TBC1D5: variants seen among roughly 807,000 people sequenced by gnomAD.
TBC1D5 encodes TBC1 domain family, member 5.
A neutral mutation model predicts 100.3 loss-of-function variants in TBC1D5; 75 were observed. The ratio of observed to expected loss-of-function variants is 0.75; its 90% CI spans 0.62 to 0.91. The LOEUF is 0.91. Among genes scored for constraint, TBC1D5 ranks in the 40% least tolerant of loss-of-function variants. The pLI is 0.00. For missense variants in TBC1D5, 910 were observed against 942.4 expected (o/e 0.97, Z 0.45); for synonymous variants, 323 against 325.6 (o/e 0.99, Z 0.09).
intron 2 of TBC1D5, among the ~76,000 whole-genome samples, chr3:17,584,996 G>A (rs2096724041): frequency 6.6e-6 from 1 of 151,858 alleles, no homozygotes; most frequent in Non-Finnish European, 1.5e-5. Context: ...TTGCTATGTT[G>A]CCTAGACTGG....
At chr3:17,408,502 T>C (rs1476882369) in intron 4 of TBC1D5, among the ~76,000 whole-genome samples, 1 of 152,048 alleles carries the variant, frequency 6.6e-6, no homozygotes, top group African/African-American at 2.4e-5. Flanking sequence ...TTTGTAACTT[T>C]TTGTAGAGAC....
At chr3:17,527,384 G>A (rs73155214) in intron 2 of TBC1D5, among the ~76,000 whole-genome samples, 10,523 of 152,160 alleles carry the variant, frequency 0.069, 714 homozygotes, top group African/African-American at 0.18. Context: ...AGATACTGGG[G>A]GAAAAAGAAG....
At chr3:17,356,722 CAA>C (rs1559709028) in intron 13 of TBC1D5, among the ~76,000 whole-genome samples, 1 of 152,096 alleles carries the variant, frequency 6.6e-6, no homozygotes, top group Non-Finnish European at 1.5e-5. Context: ...CAATCAGAGG[CAA>C]AGAGGCCAAT....
chr3:17,700,133 G>A (rs1015216852), intron 1 of TBC1D5: 2 of 149,524 alleles, frequency 1.3e-5, no homozygotes, highest in Non-Finnish European at 1.5e-5. Flanking sequence ...TAAACTGAAA[G>A]GGAACACTTG....
At chr3:17,164,319 T>G (rs2066382799) in intron 21 of TBC1D5, among the ~76,000 whole-genome samples, 1 of 152,156 alleles carries the variant, frequency 6.6e-6, no homozygotes, top group South Asian at 2.1e-4. Context: ...CTGCACTATC[T>G]TTTAGACATT....
intron 1 of TBC1D5, among the ~76,000 whole-genome samples, chr3:17,696,263 G>A (rs1289607979): frequency 6.6e-6 from 1 of 151,952 alleles, no homozygotes; most frequent in African/African-American, 2.4e-5. Flanking sequence ...CAGAACTGAA[G>A]GAAATAGAGA....
chr3:17,215,329 C>T (rs970257611), intron 17 of TBC1D5, among the ~76,000 whole-genome samples: 1 of 152,000 alleles, frequency 6.6e-6, no homozygotes, highest in African/African-American at 2.4e-5. Context: ...ACATTTTGGA[C>T]AAAACTGACT....
At chr3:17,164,788 G>A (rs1559331946) in intron 21 of TBC1D5, among the ~76,000 whole-genome samples, 1 of 152,222 alleles carries the variant, frequency 6.6e-6, no homozygotes, top group Non-Finnish European at 1.5e-5. Flanking sequence ...GCAGTGGAAG[G>A]CCCCATGCAC....
chr3:17,188,619 G>C (rs1048048732), intron 18 of TBC1D5, among the ~76,000 whole-genome samples: 1 of 152,148 alleles, frequency 6.6e-6, no homozygotes, highest in African/African-American at 2.4e-5. Context: ...TTTATAAATA[G>C]AAATGGAATC....
chr3:17,571,715 T>C (rs2096628400), intron 2 of TBC1D5, among the ~76,000 whole-genome samples: 1 of 152,046 alleles, frequency 6.6e-6, no homozygotes, highest in African/African-American at 2.4e-5. Context: ...AGGCAGAATA[T>C]TGGACCAACA....
At chr3:17,483,492 CA>C (rs1218449371) in intron 3 of TBC1D5, among the ~76,000 whole-genome samples, 2 of 152,154 alleles carry the variant, frequency 1.3e-5, no homozygotes, top group African/African-American at 4.8e-5. Context: ...TTTAAGTGGT[CA>C]ATCCATAACC....
intron 13 of TBC1D5, among the ~76,000 whole-genome samples, chr3:17,344,358 A>C (rs2089530935): frequency 6.6e-6 from 1 of 152,208 alleles, no homozygotes; most frequent in Admixed American, 6.5e-5. Context: ...CCCACTTACA[A>C]GGGATGTGAA....
At chr3:17,598,154 G>C (rs1251075692) in intron 2 of TBC1D5, among the ~76,000 whole-genome samples, 1 of 152,060 alleles carries the variant, frequency 6.6e-6, no homozygotes, top group East Asian at 1.9e-4. Flanking sequence ...AGGAACTACG[G>C]TTTCCCTAAA....
chr3:17,348,549 A>C (rs781009055), intron 13 of TBC1D5, among the ~76,000 whole-genome samples: 2 of 152,216 alleles, frequency 1.3e-5, no homozygotes, highest in African/African-American at 2.4e-5. Context: ...GCTTTAATTT[A>C]CCTCTCATAC....
intron 1 of TBC1D5, among the ~76,000 whole-genome samples, chr3:17,732,076 G>C (rs963931772): frequency 1.3e-5 from 2 of 152,094 alleles, no homozygotes; most frequent in Admixed American, 1.3e-4. Context: ...CCAGCACTTT[G>C]GGAGGCCGAG....
chr3:17,497,159 C>A (rs1156948769), intron 3 of TBC1D5, among the ~76,000 whole-genome samples: 2 of 151,252 alleles, frequency 1.3e-5, no homozygotes, highest in African/African-American at 4.9e-5. Context: ...ATCTGCATAT[C>A]TGGCTCCTTC....
rs972841533 is a variant in TBC1D5, at chr3:17,631,182, G to A, written c.-100-7269C>T. Among the ~76,000 whole-genome samples, 12 of 152,158 alleles carry A rather than the reference G, an allele frequency of 7.9e-5. No individual in the cohort carries two copies. The South Asian group carries it at 8.3e-4, about 11-fold the overall frequency. ...AAGAAAGTAAAATAGCCTTAGTGCCGATATGAAGAAAGCATGTGTGGTCTA... is the reference window on the plus strand; with the variant it reads ...AAGAAAGTAAAATAGCCTTAGTGCCAATATGAAGAAAGCATGTGTGGTCTA... On this transcript the variant is annotated intron_variant, in intron 1 of 21. Transcript: ENST00000253692.
At chr3:17,227,742 G>C (rs769502854) in intron 17 of TBC1D5, among the ~76,000 whole-genome samples, 2 of 151,770 alleles carry the variant, frequency 1.3e-5, no homozygotes, top group Non-Finnish European at 2.9e-5. Flanking sequence ...AAAACTATTA[G>C]GTACTAGGCT....
At chr3:17,674,323 A>G (rs1409948221) in intron 1 of TBC1D5, among the ~76,000 whole-genome samples, 2 of 152,226 alleles carry the variant, frequency 1.3e-5, no homozygotes, top group Admixed American at 1.3e-4. Context: ...AAATTTGTAC[A>G]TGAAAACAAA....
Sources: gnomAD v4.1 joint callset for allele counts (sites outside exome capture counted in the v4.1 genomes callset) on GRCh38, gnomAD v4.1.1 for gene constraint, MANE v1.5 for transcripts, NCBI Gene and HGNC (gene_info 2026-07-23, HGNC 2026-07-21) for gene names.